ADIPOR2: variants seen among roughly 807,000 people sequenced by gnomAD.
ADIPOR2 encodes adiponectin receptor protein 2.
A neutral mutation model predicts 40.9 loss-of-function variants in ADIPOR2; 18 were observed. That is an observed-to-expected ratio of 0.44 (90% CI 0.30 to 0.65). ADIPOR2 has a LOEUF of 0.65. Among genes scored for constraint, ADIPOR2 ranks in the 30% least tolerant of loss-of-function variants. The pLI, the probability that ADIPOR2 is intolerant of heterozygous loss-of-function variation, is 0.09. For missense variants in ADIPOR2, 283 were observed against 479.2 expected (o/e 0.59, Z 3.82); for synonymous variants, 165 against 166.4 (o/e 0.99, Z 0.06).
chr12:1,711,192 A>T (rs545856545), intron 1 of ADIPOR2, among the ~76,000 whole-genome samples: 48 of 152,262 alleles, frequency 3.2e-4, no homozygotes, highest in African/African-American at 1.1e-3. Context: ...CAAAGAGTCT[A>T]TCTGGGATTG....
At position 1,694,867 on chromosome 12, in the gene ADIPOR2, C is replaced by T. The variant is rs576473862; in HGVS notation, c.-87+3676C>T. Reference sequence around the variant, plus strand: ...ATTTGAGCCGATAGCACAGAAAGTTCCCATATTCCCTTCCCTTCCCTCGTT... The same window carrying T: ...ATTTGAGCCGATAGCACAGAAAGTTTCCATATTCCCTTCCCTTCCCTCGTT... On this transcript the variant is annotated intron_variant, in intron 1 of 7. Transcript: ENST00000357103. Among the ~76,000 whole-genome samples, 3 of 151,216 alleles carry T rather than the reference C, an allele frequency of 2.0e-5. No individual in the cohort carries two copies. In the East Asian group the frequency reaches 5.9e-4, roughly 30 times the overall value.
intron 2 of ADIPOR2, among the ~76,000 whole-genome samples, chr12:1,763,366 T>G (rs2154443848): frequency 6.6e-6 from 1 of 152,306 alleles, no homozygotes. Context: ...AGGTGGGTGT[T>G]TCTTCTTTTG....
chr12:1,718,530 A>G (rs1032245481), intron 1 of ADIPOR2, among the ~76,000 whole-genome samples: 11 of 152,140 alleles, frequency 7.2e-5, no homozygotes, highest in African/African-American at 2.7e-4. Context: ...AGAAAGTCAA[A>G]TTTGTTGAGG....
At chr12:1,728,590 G>C (rs926766788) in intron 1 of ADIPOR2, among the ~76,000 whole-genome samples, 21 of 151,994 alleles carry the variant, frequency 1.4e-4, no homozygotes, top group Non-Finnish European at 2.4e-4. Flanking sequence ...CGGGCGTGGT[G>C]GTGGGCGCCT....
At chr12:1,708,956 G>T (rs2094669752) in intron 1 of ADIPOR2, among the ~76,000 whole-genome samples, 1 of 152,046 alleles carries the variant, frequency 6.6e-6, no homozygotes, top group South Asian at 2.1e-4. Flanking sequence ...TTGACTTCAG[G>T]TGATCCACCT....
chr12:1,766,815 C>G (rs2154443964), intron 2 of ADIPOR2, among the ~76,000 whole-genome samples: 1 of 152,318 alleles, frequency 6.6e-6, no homozygotes, highest in East Asian at 1.9e-4. Context: ...AGATAAGGAA[C>G]TTTTATTCAT....
At chr12:1,734,054 A>C (rs937521816) in intron 1 of ADIPOR2, among the ~76,000 whole-genome samples, 2 of 152,104 alleles carry the variant, frequency 1.3e-5, no homozygotes, top group African/African-American at 4.8e-5. Context: ...TTATGAATAG[A>C]GTGCCGCAAT....
intron 6 of ADIPOR2, 73 bp from the exon 7 acceptor site, chr12:1,783,807 C>T: frequency 9.0e-6 from 11 of 1,227,694 alleles, no homozygotes; most frequent in Non-Finnish European, 1.1e-5. Context: ...GTTAATGGTG[C>T]TGTGCTGTAA....
intron 1 of ADIPOR2, among the ~76,000 whole-genome samples, chr12:1,710,516 G>C (rs1437260761): frequency 6.6e-6 from 1 of 151,988 alleles, no homozygotes; most frequent in African/African-American, 2.4e-5. Context: ...TAAACACCAG[G>C]GCACCTGTCG....
chr12:1,709,570 T>G (rs1312650998), intron 1 of ADIPOR2, among the ~76,000 whole-genome samples: 3 of 152,208 alleles, frequency 2.0e-5, no homozygotes, highest in Non-Finnish European at 4.4e-5. Context: ...TGTATGACTG[T>G]GGCTTATTTT....
At position 1,777,835 on chromosome 12, in the gene ADIPOR2, G is replaced by C; in HGVS notation, c.292-19G>C. ...GACAACTAAAATCACAAAGATGTTT[G>C]ATAATACCTCTCTGCCAGGTATGGG... On this transcript the variant is annotated intron_variant, in intron 3 of 7. Coordinates refer to ENST00000357103, the MANE Select transcript of ADIPOR2 (RefSeq NM_024551.3). The C allele has an allele frequency of 6.2e-7, 1 of 1,601,956 alleles. No individual in the cohort carries two copies. Among genetic ancestry groups the C allele is most frequent in the South Asian group, 1.1e-5 (1 of 89,454 alleles).
At chr12:1,767,052 C>T (rs1408588643) in intron 2 of ADIPOR2, among the ~76,000 whole-genome samples, 1 of 151,802 alleles carries the variant, frequency 6.6e-6, no homozygotes, top group Non-Finnish European at 1.5e-5. Flanking sequence ...GGTGGATCAC[C>T]TGAGGTCAGG....
intron 1 of ADIPOR2, among the ~76,000 whole-genome samples, chr12:1,708,038 T>TA (rs398116019): frequency 2.4e-5 from 2 of 81,736 alleles, no homozygotes; most frequent in South Asian, 4.8e-4. Flanking sequence ...AAATGTTTGG[T>TA]AAAAAAATAA....
rs1359728237 is a variant in ADIPOR2, at chr12:1,772,970, G to T, written c.291+9G>T. On this transcript the variant is annotated intron_variant, in intron 3 of 7. Transcript: ENST00000357103. ...AAGAATTTGTTTGTAAGGTAAGAGT[G>T]CAGTTTCTTGTCATTGTCATGCTAT... 2.5e-6 allele frequency: 4 copies of T among 1,612,512 alleles called. No individual in the cohort carries two copies. Among genetic ancestry groups the T allele is most frequent in the South Asian group, 1.1e-5 (1 of 90,750 alleles).
chr12:1,765,737 C>CT (rs1422121397), intron 2 of ADIPOR2, among the ~76,000 whole-genome samples: 2 of 151,946 alleles, frequency 1.3e-5, no homozygotes, highest in Non-Finnish European at 2.9e-5. Flanking sequence ...TTTTTTCCCC[C>CT]TTTTTTCTTC....
chr12:1,785,371 T>G (rs1455829927), intron 7 of ADIPOR2, among the ~76,000 whole-genome samples: 1 of 152,222 alleles, frequency 6.6e-6, no homozygotes, highest in African/African-American at 2.4e-5. Flanking sequence ...ATTATGTAGT[T>G]CATGAAATTT....
At chr12:1,773,108 C>G (rs1487555686) in intron 3 of ADIPOR2, 147 bp downstream of exon 3, 1 of 1,005,308 alleles carries the variant, frequency 9.9e-7, no homozygotes, top group Non-Finnish European at 1.4e-6. Flanking sequence ...TCTTGGGACT[C>G]TAATCCTGTT....
At chr12:1,777,781 C>T (rs747745168) in intron 3 of ADIPOR2, 73 bp from the exon 4 acceptor site, 6 of 1,399,830 alleles carry the variant, frequency 4.3e-6, no homozygotes, top group Non-Finnish European at 3.9e-6. Context: ...TGATAAGACA[C>T]AGTTGTTAGG....
chr12:1,773,092 A>G (rs1477521572), intron 3 of ADIPOR2, 131 bp downstream of exon 3: 3 of 1,192,426 alleles, frequency 2.5e-6, no homozygotes, highest in Middle Eastern at 2.9e-4. Context: ...ATGGGGACAG[A>G]AGTGGTCTTG....
Sources: allele counts gnomAD v4.1 joint callset (sites outside exome capture counted in the v4.1 genomes callset), GRCh38; gene constraint gnomAD v4.1.1; transcripts MANE v1.5; gene names NCBI Gene and HGNC (gene_info 2026-07-23, HGNC 2026-07-21).